The following PPARGC1A variants were observed in gnomAD, a reference collection of about 807,000 sequenced individuals.
PPARGC1A encodes the protein PPARG coactivator 1 alpha, also known as peroxisome proliferator-activated receptor gamma coactivator 1-alpha.
A neutral mutation model predicts 88.7 loss-of-function variants in PPARGC1A; 25 were observed. The ratio of observed to expected loss-of-function variants is 0.28; its 90% confidence interval spans 0.21 to 0.39. The LOEUF (loss-of-function observed/expected upper bound fraction) is 0.39. PPARGC1A is among the 10% of genes least tolerant of loss of function. PPARGC1A has a pLI of 1.00. For missense variants in PPARGC1A, 880 were observed against 968.7 expected (o/e 0.91, Z 1.22); for synonymous variants, 363 against 355.6 (o/e 1.02, Z -0.24).
intron 7 of PPARGC1A, 28 bp from the exon 8 acceptor site, chr4:23,814,633 A>T (rs773001671): frequency 1.4e-6 from 2 of 1,471,846 alleles, no homozygotes. Flanking sequence ...AAAAAAAAAA[A>T]AAAGAGAGAG....
At chr4:23,893,824 A>G (rs1381548664), upstream of PPARGC1A, among the ~76,000 whole-genome samples, 1 of 152,190 alleles carries the variant, frequency 6.6e-6, no homozygotes, top group Non-Finnish European at 1.5e-5. Context: ...ACATAAGAAT[A>G]TATGTATGCA....
the PPARGC1A span, among the ~76,000 whole-genome samples, chr4:24,397,323 C>T: frequency 6.6e-6 from 1 of 152,180 alleles, no homozygotes; most frequent in African/African-American, 2.4e-5. Context: ...AAGTCCTATG[C>T]TTGCACTGAG....
At chr4:23,879,491 C>T (rs1218623175) in intron 2 of PPARGC1A, among the ~76,000 whole-genome samples, 8 of 152,190 alleles carry the variant, frequency 5.3e-5, no homozygotes, top group African/African-American at 1.7e-4. Flanking sequence ...ACGATATCCA[C>T]GAGGTTCTGC....
At chr4:24,358,677 A>T in the PPARGC1A span, among the ~76,000 whole-genome samples, 3 of 152,216 alleles carry the variant, frequency 2.0e-5, no homozygotes, top group South Asian at 6.2e-4. Flanking sequence ...CAATCCCTTG[A>T]CATCTAAATC....
chr4:24,397,328 A>C, the PPARGC1A span, among the ~76,000 whole-genome samples: 1 of 152,214 alleles, frequency 6.6e-6, no homozygotes, highest in Non-Finnish European at 1.5e-5. Flanking sequence ...CTATGCTTGC[A>C]CTGAGATGCA....
At chr4:24,091,465 T>C in the PPARGC1A span, 1 of 985,314 alleles carries the variant, frequency 1.0e-6, no homozygotes. Flanking sequence ...GGACATCACT[T>C]ACCTGCCAGC....
intron 2 of PPARGC1A, among the ~76,000 whole-genome samples, chr4:23,877,360 C>CAAAAAAAAAAAA (rs551447166): frequency 1.6e-5 from 1 of 62,818 alleles, no homozygotes. Flanking sequence ...ACTAAAAATA[C>CAAAAAAAAAAAA]AAAAAAAAAA....
chr4:24,008,937 G>A, the PPARGC1A span, among the ~76,000 whole-genome samples: 14 of 151,852 alleles, frequency 9.2e-5, no homozygotes, highest in East Asian at 1.4e-3. Context: ...TTCTTTTCCC[G>A]CGGTTTATAT....
chr4:23,803,484 A>T (rs1485697805), intron 10 of PPARGC1A, among the ~76,000 whole-genome samples: 1 of 150,456 alleles, frequency 6.6e-6, no homozygotes, highest in African/African-American at 2.5e-5. Flanking sequence ...TCTGAAAGTC[A>T]TCAGTAATTT....
the PPARGC1A span, among the ~76,000 whole-genome samples, chr4:23,997,377 A>T: frequency 1.3e-5 from 2 of 152,092 alleles, no homozygotes; most frequent in African/African-American, 4.8e-5. Context: ...TGTATGTCAG[A>T]TTACCTAGGA....
At chr4:24,126,531 A>T in the PPARGC1A span, among the ~76,000 whole-genome samples, 1 of 152,078 alleles carries the variant, frequency 6.6e-6, no homozygotes, top group Non-Finnish European at 1.5e-5. Flanking sequence ...TCCCTCTAGG[A>T]TATATGAGTC....
At chr4:24,197,391 G>C in the PPARGC1A span, among the ~76,000 whole-genome samples, 2 of 152,216 alleles carry the variant, frequency 1.3e-5, no homozygotes, top group Non-Finnish European at 2.9e-5. Context: ...CAGAAAGTCA[G>C]ATTAGAGTGG....
the PPARGC1A span, among the ~76,000 whole-genome samples, chr4:24,127,420 T>C: frequency 1.3e-5 from 2 of 152,068 alleles, no homozygotes; most frequent in Admixed American, 6.6e-5. Context: ...CTTCGAAGTA[T>C]TGTTTAGAAA....
At chr4:23,944,907 T>C in the PPARGC1A span, among the ~76,000 whole-genome samples, 3 of 152,194 alleles carry the variant, frequency 2.0e-5, no homozygotes, top group East Asian at 3.8e-4. Context: ...CAGTCTCAGG[T>C]ATGTCTTTAT....
At chr4:24,438,118 G>A in the PPARGC1A span, among the ~76,000 whole-genome samples, 3 of 152,206 alleles carry the variant, frequency 2.0e-5, no homozygotes, top group African/African-American at 7.2e-5. Context: ...CAGGGAGATG[G>A]AGAAAGATAA....
At chr4:24,273,573 C>A in the PPARGC1A span, among the ~76,000 whole-genome samples, 1 of 151,974 alleles carries the variant, frequency 6.6e-6, no homozygotes. Context: ...ATGAAGAGAC[C>A]AAAACCTGAA....
intron 5 of PPARGC1A, among the ~76,000 whole-genome samples, chr4:23,828,012 T>C (rs1249515656): frequency 6.6e-6 from 1 of 152,082 alleles, no homozygotes; most frequent in Non-Finnish European, 1.5e-5. Context: ...AACAAATCAC[T>C]GGTGCCTCAT....
chr4:23,994,520 A>T, the PPARGC1A span, among the ~76,000 whole-genome samples: 3 of 152,148 alleles, frequency 2.0e-5, no homozygotes. Context: ...TGAGAAGAGC[A>T]CACAACTAAT....
chr4:23,793,517 C>T lies in PPARGC1A; in HGVS notation c.*2305G>A, dbSNP rs1717006125. ...GCATTGGCCTGGGGGTGAAATCCAT[C>T]TTACAAGATCGTGTTGGGCGAGAGA... On this transcript the variant is annotated 3_prime_UTR_variant, in exon 13 of 13. Coordinates refer to ENST00000264867, the MANE Select transcript of PPARGC1A (RefSeq NM_013261.5). 1 of 152,422 alleles carries T rather than the reference C, an allele frequency of 6.6e-6. No homozygotes were observed. Among genetic ancestry groups the T allele is most frequent in the Non-Finnish European group, 1.5e-5 (1 of 68,012 alleles). 9.4% of individuals were successfully genotyped at this position (152,422 alleles called of 1,614,324 possible).
Sources: allele counts gnomAD v4.1 joint callset (sites outside exome capture counted in the v4.1 genomes callset), GRCh38; gene constraint gnomAD v4.1.1; transcripts MANE v1.5; gene names NCBI Gene and HGNC (gene_info 2026-07-23, HGNC 2026-07-21).